The following EHD3 variants were observed in gnomAD, a reference collection of about 807,000 sequenced individuals.
EHD3 encodes EH domain containing 3, also known as EH domain-containing protein 3.
EHD3 carries 17 observed loss-of-function variants against 43.0 expected under a neutral mutation model. That is an observed-to-expected ratio of 0.40 (90% CI 0.27 to 0.59). The LOEUF (loss-of-function observed/expected upper bound fraction) is 0.59, where lower values mean the gene tolerates loss of function less well. EHD3 is among the 20% of genes least tolerant of loss of function. EHD3 has a pLI of 0.49. For synonymous variants in EHD3, 313 were observed against 289.5 expected (o/e 1.08, Z -0.82); for missense variants, 594 against 705.6 (o/e 0.84, Z 1.79).
rs887998883 is a variant in EHD3 at position 31,245,363 on chromosome 2, C to CCTGGCA, written c.404+915_404+920dup. The stretch of plus-strand genomic sequence containing the variant: ...GATAGTGAACAGAAAACACTTCGTG[C>CCTGGCA]CTGGCACATAGTAACCAACAGGTTA... On this transcript the variant is annotated intron_variant, in intron 2 of 5. Transcript: ENST00000322054. 7.4e-4 allele frequency among the ~76,000 whole-genome samples: 113 copies of CCTGGCA among 152,032 alleles called. 2 individuals are homozygous for CCTGGCA. The highest frequency in any genetic ancestry group is 7.4e-3 in the Admixed American group (113 of 15,266).
chr2:31,266,947 C>G lies in EHD3; in HGVS notation c.*243C>G. The G allele has an allele frequency of 1.9e-6, 1 of 530,898 alleles. No individual in the cohort carries two copies. The highest frequency in any genetic ancestry group is 2.9e-5 in the South Asian group (1 of 34,856). The allele number at this position is 530,898 out of a possible 1,614,324, so 32.9% of individuals were successfully genotyped here. On this transcript the variant is annotated 3_prime_UTR_variant, in exon 6 of 6. Coordinates refer to ENST00000322054, the MANE Select transcript of EHD3 (RefSeq NM_014600.3). The surrounding 1 kb of genome is among the most constrained non-coding windows in gnomAD (Gnocchi z 5.1). The stretch of plus-strand genomic sequence containing the variant: ...CACTCCCAGGCCCCAGAGTCTAAGC[C>G]TAAGTCTCTATCGCTCTTCCCCTCT...
Position 31,267,423 on chromosome 2 carries a change from T to C in EHD3, c.*719T>C, listed in dbSNP as rs910022513. On this transcript the variant is annotated 3_prime_UTR_variant, in exon 6 of 6. Transcript: ENST00000322054. ...TGAAAACCAGTCAAGGTGGTTTTAG[T>C]TCATAGATTTTGTTAGATGTTCTTT... 1 of 152,530 alleles carries C rather than the reference T, an allele frequency of 6.6e-6. No homozygotes were observed. The highest frequency in any genetic ancestry group is 2.4e-5 in the African/African-American group (1 of 41,448). 9.4% of individuals were successfully genotyped at this position (152,530 alleles called of 1,614,324 possible).
chr2:31,245,553 A>T (rs201560146), intron 2 of EHD3, among the ~76,000 whole-genome samples: 430 of 35,036 alleles, frequency 0.012, 2 homozygotes, highest in African/African-American at 0.017. Flanking sequence ...ATATATATAT[A>T]TTTTTTTTTT....
At chr2:31,237,342 G>T (rs1683341917) in intron 1 of EHD3, among the ~76,000 whole-genome samples, 1 of 151,768 alleles carries the variant, frequency 6.6e-6, no homozygotes, top group African/African-American at 2.4e-5. Flanking sequence ...TCCAGTATTT[G>T]TAGCTATTTT....
At chr2:31,250,954 A>T (rs6711401) in intron 3 of EHD3, among the ~76,000 whole-genome samples, 16,494 of 152,202 alleles carry the variant, frequency 0.11, 1,002 homozygotes, top group Non-Finnish European at 0.12. Context: ...TGCCCTGCCC[A>T]TGTCTGTGCC....
At position 31,244,269 on chromosome 2, in the gene EHD3, G is replaced by A. The variant is rs1683478367; in HGVS notation, c.228-5G>A. On this transcript the variant is annotated splice_region_variant and splice_polypyrimidine_tract_variant and intron_variant, in intron 1 of 5. Transcript: ENST00000322054. Reference sequence around the variant, plus strand: ...CTGCATTAGGACTGTGCTTCTTCCTGCTAGGTACCTGCTGGAACAGGACTT... The same window carrying A: ...CTGCATTAGGACTGTGCTTCTTCCTACTAGGTACCTGCTGGAACAGGACTT... The A allele has an allele frequency of 6.2e-7, 1 of 1,612,144 alleles. No homozygotes were observed. Among genetic ancestry groups the A allele is most frequent in the Admixed American group, 1.7e-5 (1 of 59,902 alleles).
chr2:31,264,825 G>A lies in EHD3; in HGVS notation c.1081-1352G>A, dbSNP rs529557402. On this transcript the variant is annotated intron_variant, in intron 5 of 5. Coordinates refer to ENST00000322054, the MANE Select transcript of EHD3 (RefSeq NM_014600.3). ...TGGGATTACAGGCATGAGCCACCGC[G>A]CCTAGCCTACAAAGTTTTTGACTCT... 3.5e-4 allele frequency among the ~76,000 whole-genome samples: 54 copies of A among 152,148 alleles called. No individual in the cohort carries two copies. In the South Asian group the frequency reaches 5.2e-3, roughly 15 times the overall value.
intron 1 of EHD3, among the ~76,000 whole-genome samples, chr2:31,242,622 A>G (rs1328259622): frequency 6.6e-6 from 1 of 152,204 alleles, no homozygotes; most frequent in Non-Finnish European, 1.5e-5. Context: ...ATGACAAGAA[A>G]GATAGAATGA....
At chr2:31,241,276 A>G (rs1683419838) in intron 1 of EHD3, among the ~76,000 whole-genome samples, 1 of 152,098 alleles carries the variant, frequency 6.6e-6, no homozygotes, top group East Asian at 1.9e-4. Flanking sequence ...AGGGAGCTCA[A>G]CCCTTTTGGC....
intron 5 of EHD3, 89 bp downstream of exon 5, chr2:31,261,802 C>T: frequency 6.7e-7 from 1 of 1,494,730 alleles, no homozygotes; most frequent in East Asian, 2.3e-5. Context: ...CTCTTGGAGC[C>T]CCCCAGGGAG....
chr2:31,254,154 G>A (rs911654073), intron 3 of EHD3, among the ~76,000 whole-genome samples: 19 of 152,146 alleles, frequency 1.2e-4, no homozygotes, highest in African/African-American at 4.3e-4. Context: ...AGGGAACTCG[G>A]GTCTTCCTAT....
In EHD3 at chr2:31,260,374, A is replaced by T; in HGVS notation, c.503-136A>T. 1 of 881,542 alleles carries T rather than the reference A, an allele frequency of 1.1e-6. No homozygotes were observed. Among genetic ancestry groups the T allele is most frequent in the Non-Finnish European group, 1.6e-6 (1 of 608,908 alleles). The allele number at this position is 881,542 out of a possible 1,614,324, so 54.6% of individuals were successfully genotyped here. On this transcript the variant is annotated intron_variant, in intron 3 of 5. Coordinates refer to ENST00000322054, the MANE Select transcript of EHD3 (RefSeq NM_014600.3). The surrounding 1 kb of genome is among the most constrained non-coding windows in gnomAD (Gnocchi z 4.6). ...GTAATTTGCTGGAGTCCAAACAGTT[A>T]AAATGTGGAGGAGCCAGGATTTAAA...
intron 5 of EHD3, among the ~76,000 whole-genome samples, chr2:31,262,162 C>T (rs923267677): frequency 6.6e-6 from 1 of 152,176 alleles, no homozygotes; most frequent in East Asian, 1.9e-4. Flanking sequence ...CACGGGAACT[C>T]GTCATCTTTG....
At chr2:31,240,848 C>T (rs1358750295) in intron 1 of EHD3, among the ~76,000 whole-genome samples, 1 of 152,158 alleles carries the variant, frequency 6.6e-6, no homozygotes, top group Non-Finnish European at 1.5e-5. Flanking sequence ...CTTTGATGAT[C>T]CCTACTTCCC....
chr2:31,265,886 A>G (rs1347865805), intron 5 of EHD3, among the ~76,000 whole-genome samples: 1 of 152,210 alleles, frequency 6.6e-6, no homozygotes, highest in Non-Finnish European at 1.5e-5. Context: ...GGGGATTGAA[A>G]TAAATAGATC....
chr2:31,267,480 C>G lies in EHD3; in HGVS notation c.*776C>G, dbSNP rs1683977126. Reference sequence around the variant, plus strand: ...GGCCTATGATGTTTAGATGTTCATACTTGACTCACATTTACCCAGCCCCTC... The same window carrying G: ...GGCCTATGATGTTTAGATGTTCATAGTTGACTCACATTTACCCAGCCCCTC... On this transcript the variant is annotated 3_prime_UTR_variant, in exon 6 of 6. Transcript: ENST00000322054. The G allele has an allele frequency of 6.6e-6, 1 of 152,634 alleles. No individual in the cohort carries two copies. Among genetic ancestry groups the G allele is most frequent in the Non-Finnish European group, 1.5e-5 (1 of 68,032 alleles). 9.5% of individuals were successfully genotyped at this position (152,634 alleles called of 1,614,324 possible).
At chr2:31,264,763 G>A in intron 5 of EHD3, among the ~76,000 whole-genome samples, 1 of 151,754 alleles carries the variant, frequency 6.6e-6, no homozygotes, top group East Asian at 1.9e-4. Flanking sequence ...TCGATCTCTT[G>A]ACCTCGTGAT....
intron 2 of EHD3, among the ~76,000 whole-genome samples, chr2:31,245,275 T>TA (rs933934905): frequency 6.6e-6 from 1 of 152,172 alleles, no homozygotes; most frequent in Non-Finnish European, 1.5e-5. Context: ...TTACAAAACT[T>TA]ACTTGTTTCT....
Position 31,234,601 on chromosome 2 carries a change from C to T in EHD3, c.-21C>T, listed in dbSNP as rs768724648. The stretch of plus-strand genomic sequence containing the variant: ...GGAGTCTTCCCCTGGGGCTGCGTGC[C>T]GGGGGCGAGCGGCGGCCGCGATGTT... On this transcript the variant is annotated 5_prime_UTR_variant, in exon 1 of 6. Transcript: ENST00000322054. 6.2e-7 allele frequency: 1 copy of T among 1,612,460 alleles called. No individual in the cohort carries two copies. Among genetic ancestry groups the T allele is most frequent in the Admixed American group, 1.7e-5 (1 of 60,014 alleles).
Sources: allele counts gnomAD v4.1 joint callset (sites outside exome capture counted in the v4.1 genomes callset), GRCh38; gene constraint gnomAD v4.1.1; non-coding constraint Gnocchi (gnomAD v3.1); transcripts MANE v1.5; gene names NCBI Gene and HGNC (gene_info 2026-07-23, HGNC 2026-07-21).